The following LARGE1 variants were observed in gnomAD, a reference collection of about 807,000 sequenced individuals.
LARGE1 encodes LARGE xylosyl- and glucuronyltransferase 1.
A neutral mutation model predicts 87.6 loss-of-function variants in LARGE1; 43 were observed. The ratio of observed to expected loss-of-function variants is 0.49; its 90% CI spans 0.38 to 0.63. LARGE1 has a LOEUF of 0.63. Among genes scored for constraint, LARGE1 ranks in the 30% least tolerant of loss-of-function variants. The probability of loss-of-function intolerance (pLI) is 0.00; values close to 1 mark genes in which losing one functional copy is unlikely to be tolerated. For missense variants in LARGE1, 802 were observed against 1,000.2 expected, an observed-to-expected ratio of 0.80 and a Z score of 2.67; for synonymous variants, 434 against 394.6, an observed-to-expected ratio of 1.10 and a Z score of -1.18.
rs78950588 is a variant in LARGE1, at chr22:33,626,754, T to C, written c.409-428A>G. On this transcript the variant is annotated intron_variant, in intron 3 of 14. Coordinates refer to ENST00000397394, the MANE Select transcript of LARGE1 (RefSeq NM_133642.5). ...TAGTGAAATGTTCCCACAAGATGTG[T>C]TGGGTTAGGGTCAACCTAATAAAAG... Among the ~76,000 whole-genome samples the C allele has an allele frequency of 9.2e-3, 1,405 of 152,282 alleles. 26 individuals are homozygous for C. Among genetic ancestry groups the C allele is most frequent in the African/African-American group, 0.032 (1,322 of 41,552 alleles).
chr22:33,846,676 A>G (rs1263395985), intron 1 of LARGE1, among the ~76,000 whole-genome samples: 2 of 152,216 alleles, frequency 1.3e-5, no homozygotes, highest in East Asian at 1.9e-4. Flanking sequence ...GAAAGAGAAT[A>G]CATGCCTGGG....
chr22:33,601,183 G>A (rs1014460070), intron 5 of LARGE1, among the ~76,000 whole-genome samples: 1 of 152,336 alleles, frequency 6.6e-6, no homozygotes, highest in Non-Finnish European at 1.5e-5. Flanking sequence ...TTGGAAAGCT[G>A]ACTTTTGCTA....
chr22:33,734,776 T>C (rs2083596255), intron 2 of LARGE1, among the ~76,000 whole-genome samples: 1 of 152,154 alleles, frequency 6.6e-6, no homozygotes, highest in South Asian at 2.1e-4. Context: ...CTCCCACCTC[T>C]GTTTAAACTG....
chr22:33,544,534 A>C (rs2077299568), intron 6 of LARGE1, among the ~76,000 whole-genome samples: 1 of 152,082 alleles, frequency 6.6e-6, no homozygotes, highest in Non-Finnish European at 1.5e-5. Flanking sequence ...TAAAATTACA[A>C]AAATTAGCTG....
intron 10 of LARGE1, among the ~76,000 whole-genome samples, chr22:33,317,505 T>A (rs919394428): frequency 6.6e-6 from 1 of 152,220 alleles, no homozygotes; most frequent in East Asian, 1.9e-4. Flanking sequence ...CTTTGAACTC[T>A]CTGAAAGTCT....
At chr22:33,795,201 T>C (rs1188915066) in intron 1 of LARGE1, among the ~76,000 whole-genome samples, 3 of 152,210 alleles carry the variant, frequency 2.0e-5, no homozygotes, top group African/African-American at 7.2e-5. Flanking sequence ...GTAGGATAAA[T>C]ACAGTAACAA....
At chr22:33,645,815 A>T (rs2080594937) in intron 3 of LARGE1, among the ~76,000 whole-genome samples, 1 of 152,262 alleles carries the variant, frequency 6.6e-6, no homozygotes, top group Non-Finnish European at 1.5e-5. Flanking sequence ...GAAGACACTT[A>T]TACGGCCAAC....
chr22:33,227,171 C>T (rs912643830), intron 11 of LARGE1, among the ~76,000 whole-genome samples: 1 of 152,106 alleles, frequency 6.6e-6, no homozygotes, highest in Non-Finnish European at 1.5e-5. Flanking sequence ...TATTTTTATG[C>T]CCATTTGACA....
chr22:33,611,744 G>C (rs190745357), intron 4 of LARGE1, among the ~76,000 whole-genome samples: 210 of 152,284 alleles, frequency 1.4e-3, no homozygotes, highest in African/African-American at 4.8e-3. Flanking sequence ...ATATAGTTTG[G>C]ATATTTTTCC....
At chr22:33,696,000 A>G (rs2082232798) in intron 2 of LARGE1, among the ~76,000 whole-genome samples, 1 of 152,204 alleles carries the variant, frequency 6.6e-6, no homozygotes, top group South Asian at 2.1e-4. Flanking sequence ...CTCTTTGGGT[A>G]AGCTTTCTCT....
intron 2 of LARGE1, among the ~76,000 whole-genome samples, chr22:33,678,579 G>A (rs189320953): frequency 2.0e-5 from 3 of 152,284 alleles, no homozygotes; most frequent in African/African-American, 7.2e-5. Context: ...CTTAGGAGAC[G>A]AGAAGATAAA....
intron 6 of LARGE1, among the ~76,000 whole-genome samples, chr22:33,540,373 A>G (rs1255916641): frequency 6.6e-6 from 1 of 152,076 alleles, no homozygotes; most frequent in Non-Finnish European, 1.5e-5. Context: ...TGTGTGCTTG[A>G]TCCTATGACC....
chr22:33,882,630 T>C (rs2064730307), intron 1 of LARGE1, among the ~76,000 whole-genome samples: 1 of 152,132 alleles, frequency 6.6e-6, no homozygotes, highest in African/African-American at 2.4e-5. Flanking sequence ...AGACTACAAA[T>C]AAGGTATTTT....
At chr22:33,512,761 C>T (rs773626238) in intron 6 of LARGE1, among the ~76,000 whole-genome samples, 34 of 152,158 alleles carry the variant, frequency 2.2e-4, no homozygotes, top group Non-Finnish European at 1.9e-4. Context: ...AGAGATTACA[C>T]CACTACACTC....
At chr22:33,158,658 C>A (rs1042648361), downstream of LARGE1, among the ~76,000 whole-genome samples, 2 of 152,136 alleles carry the variant, frequency 1.3e-5, no homozygotes, top group African/African-American at 4.8e-5. Context: ...TCACTGTTAA[C>A]TGATAAAGAA....
intron 1 of LARGE1, among the ~76,000 whole-genome samples, chr22:33,802,682 A>G (rs1044862537): frequency 6.6e-6 from 1 of 152,130 alleles, no homozygotes; most frequent in Admixed American, 6.5e-5. Flanking sequence ...TCAACCCACC[A>G]AGGTGAATTG....
intron 9 of LARGE1, among the ~76,000 whole-genome samples, chr22:33,347,484 G>T (rs1939894630): frequency 6.6e-6 from 1 of 152,224 alleles, no homozygotes; most frequent in Non-Finnish European, 1.5e-5. Flanking sequence ...ACTAATGTGG[G>T]ATTTGGAATG....
chr22:33,181,781 G>A (rs963068674), intron 11 of LARGE1, among the ~76,000 whole-genome samples: 5 of 149,846 alleles, frequency 3.3e-5, no homozygotes, highest in Non-Finnish European at 7.4e-5. Flanking sequence ...GCCCACATCG[G>A]CCTCTCAAAG....
chr22:33,608,138 C>T (rs1432889818), intron 4 of LARGE1, among the ~76,000 whole-genome samples: 1 of 152,144 alleles, frequency 6.6e-6, no homozygotes, highest in Non-Finnish European at 1.5e-5. Context: ...CCACAGTTGC[C>T]ATAATGGATT....
Sources: allele counts gnomAD v4.1 joint callset (sites outside exome capture counted in the v4.1 genomes callset), GRCh38; gene constraint gnomAD v4.1.1; transcripts MANE v1.5; gene names NCBI Gene and HGNC (gene_info 2026-07-23, HGNC 2026-07-21).